NR2F1-AS1: variants seen among roughly 807,000 people sequenced by gnomAD.
The protein encoded by NR2F1-AS1 is NR2F1 antisense RNA 1.
chr5:93,541,787 A>G (rs1362049318), intron 4 of NR2F1-AS1: 1 of 152,012 alleles, frequency 6.6e-6, no homozygotes, highest in African/African-American at 2.4e-5. Flanking sequence ...TGACTCAATA[A>G]CAAGCAGGGC....
At chr5:93,454,490 C>T (rs757599737) in intron 4 of NR2F1-AS1, among the ~76,000 whole-genome samples, 4 of 152,120 alleles carry the variant, frequency 2.6e-5, no homozygotes, top group Non-Finnish European at 4.4e-5. Flanking sequence ...CTAGAAAAAA[C>T]TTTTGATCTA....
At chr5:93,581,735 CCCCTCTCCCTCTCCCTCTCCCTCTCCT>C (rs1753058650), upstream of NR2F1-AS1, among the ~76,000 whole-genome samples, 5 of 26,778 alleles carry the variant, frequency 1.9e-4, no homozygotes, top group African/African-American at 1.6e-3. Context: ...TCTCTCTCTC[CCCCTCTCCCTCTCCCTCTCCCTCTCCT>C]CTCTCCCTCT....
intron 4 of NR2F1-AS1, among the ~76,000 whole-genome samples, chr5:93,447,725 A>G (rs571540887): frequency 3.9e-5 from 6 of 152,208 alleles, no homozygotes; most frequent in Non-Finnish European, 7.3e-5. Context: ...AAAGATTATA[A>G]ATCATGCTGC....
intron 4 of NR2F1-AS1, among the ~76,000 whole-genome samples, chr5:93,518,966 A>C (rs1261415324): frequency 2.0e-5 from 3 of 152,074 alleles, no homozygotes; most frequent in African/African-American, 2.4e-5. Context: ...GACTATTAAA[A>C]ATTTTTAATT....
chr5:93,427,458 C>T (rs1749218286), intron 4 of NR2F1-AS1, among the ~76,000 whole-genome samples: 1 of 152,184 alleles, frequency 6.6e-6, no homozygotes, highest in Non-Finnish European at 1.5e-5. Flanking sequence ...AACCAATCTA[C>T]TTTTGTTGAC....
intron 4 of NR2F1-AS1, among the ~76,000 whole-genome samples, chr5:93,462,466 G>T (rs896591245): frequency 6.6e-5 from 10 of 152,052 alleles, no homozygotes; most frequent in African/African-American, 2.2e-4. Flanking sequence ...TTTATTATCA[G>T]CATGAAAATA....
intron 1 of NR2F1-AS1, chr5:93,571,299 C>G (rs1752761574): frequency 1.3e-5 from 2 of 151,764 alleles, no homozygotes; most frequent in South Asian, 4.2e-4. Context: ...AGAGTCTGGA[C>G]CCGGGACCTC....
chr5:93,444,635 GATCA>G (rs1193160842), intron 4 of NR2F1-AS1, among the ~76,000 whole-genome samples: 1 of 152,160 alleles, frequency 6.6e-6, no homozygotes, highest in African/African-American at 2.4e-5. Context: ...ACATTAGACA[GATCA>G]ATGAGACAGA....
chr5:93,562,195 A>AAAAAAAAAAG (rs755007063), intron 2 of NR2F1-AS1, among the ~76,000 whole-genome samples: 27 of 136,644 alleles, frequency 2.0e-4, no homozygotes, highest in African/African-American at 6.6e-4. Flanking sequence ...AAAAAAAAAA[A>AAAAAAAAAAG]AAAAGAAAAG....
intron 1 of NR2F1-AS1, among the ~76,000 whole-genome samples, chr5:93,578,157 C>A (rs1205282278): frequency 6.6e-6 from 1 of 152,134 alleles, no homozygotes; most frequent in Non-Finnish European, 1.5e-5. Flanking sequence ...CGCTTAGATC[C>A]GGATTCTGGG....
At position 93,454,412 on chromosome 5, in the gene NR2F1-AS1, A is replaced by G. The variant is rs764348819; in HGVS notation, n.639-58870T>C. Among the ~76,000 whole-genome samples the G allele has an allele frequency of 5.9e-5, 9 of 152,336 alleles. No individual in the cohort carries two copies. The South Asian group carries it at 6.2e-4, about 11-fold the overall frequency. On this transcript the variant is annotated intron_variant and non_coding_transcript_variant, in intron 4 of 5. Coordinates refer to ENST00000660523, the Ensembl canonical transcript of NR2F1-AS1. ...TATTTAGTAAGCTTTTGTGATATAA[A>G]GAAATATATTTAGTCTCTGCCCTCA...
At chr5:93,490,467 TA>T (rs1008445985) in intron 4 of NR2F1-AS1, among the ~76,000 whole-genome samples, 10 of 148,704 alleles carry the variant, frequency 6.7e-5, no homozygotes, top group South Asian at 4.3e-4. Context: ...GTAGTGGTGA[TA>T]GGGGTAGTGG....
intron 4 of NR2F1-AS1, among the ~76,000 whole-genome samples, chr5:93,469,682 G>C (rs929532920): frequency 1.3e-5 from 2 of 152,010 alleles, no homozygotes; most frequent in African/African-American, 2.4e-5. Flanking sequence ...AGAAATACAT[G>C]TTGAATCAAT....
intron 4 of NR2F1-AS1, among the ~76,000 whole-genome samples, chr5:93,443,395 G>A (rs978749604): frequency 7.2e-5 from 11 of 152,158 alleles, no homozygotes; most frequent in African/African-American, 2.7e-4. Context: ...AGAATTACGG[G>A]ACGCATGTAC....
chr5:93,578,722 A>T (rs113829079), intron 1 of NR2F1-AS1, among the ~76,000 whole-genome samples: 2,390 of 152,336 alleles, frequency 0.016, 30 homozygotes, highest in Non-Finnish European at 0.023. Context: ...GGTGAAAGAA[A>T]CGTGGACACT....
chr5:93,452,920 A>C (rs1749867469), intron 4 of NR2F1-AS1, among the ~76,000 whole-genome samples: 1 of 152,184 alleles, frequency 6.6e-6, no homozygotes, highest in Non-Finnish European at 1.5e-5. Flanking sequence ...AATTCATAAT[A>C]TCCAGCATCT....
intron 4 of NR2F1-AS1, among the ~76,000 whole-genome samples, chr5:93,474,942 G>A (rs569661679): frequency 9.2e-5 from 14 of 152,146 alleles, no homozygotes; most frequent in Middle Eastern, 3.4e-3. Flanking sequence ...TGGCTAACAC[G>A]GTGAAACCCC....
chr5:93,464,488 C>A (rs111249747), intron 4 of NR2F1-AS1, among the ~76,000 whole-genome samples: 2,636 of 152,262 alleles, frequency 0.017, 33 homozygotes, highest in Non-Finnish European at 0.027. Context: ...AATTTAACAG[C>A]ACATGATTAA....
At chr5:93,466,438 G>C (rs956536912) in intron 4 of NR2F1-AS1, among the ~76,000 whole-genome samples, 2 of 151,732 alleles carry the variant, frequency 1.3e-5, no homozygotes, top group African/African-American at 4.8e-5. Flanking sequence ...CTGGGTTCAA[G>C]AGATTGTCCT....
Sources: allele counts gnomAD v4.1 joint callset (sites outside exome capture counted in the v4.1 genomes callset), GRCh38; gene constraint gnomAD v4.1.1; transcripts MANE v1.5; gene names NCBI Gene and HGNC (gene_info 2026-07-23, HGNC 2026-07-21).